Variants in HDAC9 observed in about 807,000 individuals in gnomAD.
The protein encoded by HDAC9 is histone deacetylase 9.
In HDAC9, 41 loss-of-function variants were observed where a neutral mutation model predicts 139.4. The ratio of observed to expected loss-of-function variants is 0.29; its 90% confidence interval spans 0.23 to 0.38. The LOEUF (loss-of-function observed/expected upper bound fraction) is 0.38, where lower values mean the gene tolerates loss of function less well. Ranked by LOEUF, HDAC9 falls within the 10% of genes least tolerant of loss-of-function variation. The probability of loss-of-function intolerance (pLI) is 1.00; values close to 1 mark genes in which losing one functional copy is unlikely to be tolerated. For missense variants in HDAC9, 1,147 were observed against 1,297.0 expected, an observed-to-expected ratio of 0.88 and a Z score of 1.78; for synonymous variants, 517 against 476.2, an observed-to-expected ratio of 1.09 and a Z score of -1.12.
chr7:18,277,670 C>G (rs1046123837), intron 2 of HDAC9, among the ~76,000 whole-genome samples: 1 of 152,146 alleles, frequency 6.6e-6, no homozygotes, highest in Non-Finnish European at 1.5e-5. Flanking sequence ...ACCTCATTTT[C>G]TCATTTCCTG....
intron 21 of HDAC9, among the ~76,000 whole-genome samples, chr7:18,843,355 G>A (rs184665061): frequency 6.6e-6 from 1 of 152,120 alleles, no homozygotes; most frequent in Admixed American, 6.6e-5. Context: ...AGCATTTTAA[G>A]GCCAGAAATA....
At chr7:18,939,451 A>G (rs1410801785) in intron 23 of HDAC9, among the ~76,000 whole-genome samples, 1 of 152,194 alleles carries the variant, frequency 6.6e-6, no homozygotes, top group Non-Finnish European at 1.5e-5. Context: ...TTCATTTGGA[A>G]AAAGGAAATG....
intron 1 of HDAC9, among the ~76,000 whole-genome samples, chr7:18,473,660 C>G (rs995676189): frequency 6.6e-6 from 1 of 152,056 alleles, no homozygotes; most frequent in Non-Finnish European, 1.5e-5. Context: ...CTTTAGCAAC[C>G]CTGAGTTCTT....
chr7:18,443,263 C>G (rs925194443), intron 1 of HDAC9, among the ~76,000 whole-genome samples: 1 of 151,926 alleles, frequency 6.6e-6, no homozygotes, highest in African/African-American at 2.4e-5. Context: ...TATATTTTAT[C>G]ATTAATTTTG....
At chr7:18,270,531 C>T (rs1305246338) in intron 2 of HDAC9, among the ~76,000 whole-genome samples, 1 of 152,080 alleles carries the variant, frequency 6.6e-6, no homozygotes, top group Non-Finnish European at 1.5e-5. Context: ...TGGGATACTA[C>T]CTTCATAAAA....
intron 12 of HDAC9, among the ~76,000 whole-genome samples, chr7:18,691,318 A>G (rs569446632): frequency 6.6e-6 from 1 of 152,054 alleles, no homozygotes; most frequent in Admixed American, 6.6e-5. Flanking sequence ...GCTAACAGAC[A>G]ATAATCCAGA....
intron 22 of HDAC9, among the ~76,000 whole-genome samples, chr7:18,904,577 T>C (rs895767829): frequency 1.0e-4 from 14 of 137,880 alleles, no homozygotes; most frequent in Admixed American, 2.9e-4. Context: ...CATTTCTTTT[T>C]TTTTTTTTTT....
rs528550742 is a variant in HDAC9 at position 18,346,071 on chromosome 7, A to G, written c.-42+55556A>G. ...TGCTAATTTAGAAAATATAGAAACA[A>G]CATTCTGAATTTTTGAATGCTAAAT... On this transcript the variant is annotated intron_variant, in intron 1 of 3. Coordinates refer to the HDAC9 transcript ENST00000413509. Among the ~76,000 whole-genome samples the G allele has an allele frequency of 2.0e-5, 3 of 152,248 alleles. No individual in the cohort carries two copies. In the East Asian group the frequency reaches 5.8e-4, roughly 29 times the overall value.
intron 1 of HDAC9, among the ~76,000 whole-genome samples, chr7:18,420,951 A>C (rs1789562135): frequency 6.6e-6 from 1 of 152,240 alleles, no homozygotes; most frequent in Admixed American, 6.5e-5. Flanking sequence ...CATTCCAGGC[A>C]GAAGTAACAG....
At chr7:18,652,340 T>C (rs1584617842) in intron 11 of HDAC9, among the ~76,000 whole-genome samples, 1 of 152,098 alleles carries the variant, frequency 6.6e-6, no homozygotes, top group African/African-American at 2.4e-5. Context: ...AATAAGGTAT[T>C]GGTAATTTTC....
At chr7:18,732,191 C>T (rs551522930) in intron 13 of HDAC9, among the ~76,000 whole-genome samples, 4 of 152,120 alleles carry the variant, frequency 2.6e-5, no homozygotes, top group Admixed American at 2.6e-4. Context: ...ATTGAACTTT[C>T]GTGGTAACAT....
intron 12 of HDAC9, among the ~76,000 whole-genome samples, chr7:18,717,658 T>C (rs1784806559): frequency 6.6e-6 from 1 of 152,244 alleles, no homozygotes; most frequent in African/African-American, 2.4e-5. Flanking sequence ...CTCCAACTCC[T>C]GACTTCAGGT....
intron 6 of HDAC9, among the ~76,000 whole-genome samples, chr7:18,609,958 T>C (rs977461560): frequency 6.6e-6 from 1 of 152,112 alleles, no homozygotes; most frequent in African/African-American, 2.4e-5. Flanking sequence ...GGACATGAAC[T>C]CATCATTTTT....
intron 21 of HDAC9, among the ~76,000 whole-genome samples, chr7:18,869,937 G>A (rs1798791350): frequency 6.7e-6 from 1 of 148,328 alleles, no homozygotes; most frequent in Non-Finnish European, 1.5e-5. Context: ...CCGGAAATTT[G>A]TTAGAAACTT....
upstream of HDAC9, among the ~76,000 whole-genome samples, chr7:18,494,567 AT>A (rs1796633228): frequency 6.6e-6 from 1 of 152,060 alleles, no homozygotes; most frequent in Non-Finnish European, 1.5e-5. Flanking sequence ...AGATGCTAGG[AT>A]CCCTCTTTGG....
intron 24 of HDAC9, among the ~76,000 whole-genome samples, chr7:18,960,996 A>G (rs1484376339): frequency 9.9e-5 from 15 of 152,164 alleles, no homozygotes; most frequent in Admixed American, 3.3e-4. Flanking sequence ...TATCTCACAG[A>G]CTTTACTAGC....
At chr7:18,302,074 C>T (rs750052189) in intron 1 of HDAC9, among the ~76,000 whole-genome samples, 1 of 152,130 alleles carries the variant, frequency 6.6e-6, no homozygotes, top group African/African-American at 2.4e-5. Flanking sequence ...GCAGCCTTAC[C>T]ATCAGTTGGT....
chr7:18,294,815 G>A (rs745984804), intron 1 of HDAC9, among the ~76,000 whole-genome samples: 2 of 152,122 alleles, frequency 1.3e-5, no homozygotes, highest in Non-Finnish European at 2.9e-5. Context: ...TATTTCAATA[G>A]CTTAGTCCAA....
At chr7:18,277,317 G>C (rs1234437151) in intron 2 of HDAC9, among the ~76,000 whole-genome samples, 1 of 152,164 alleles carries the variant, frequency 6.6e-6, no homozygotes, top group Non-Finnish European at 1.5e-5. Flanking sequence ...TGGCAGAGAA[G>C]GCAACTGATC....
Sources: gnomAD v4.1 joint callset for allele counts (sites outside exome capture counted in the v4.1 genomes callset) on GRCh38, gnomAD v4.1.1 for gene constraint, MANE v1.5 for transcripts, NCBI Gene and HGNC (gene_info 2026-07-23, HGNC 2026-07-21) for gene names.